ADGRL2: variants seen among roughly 807,000 people sequenced by gnomAD.
ADGRL2 encodes the protein adhesion G protein-coupled receptor L2, also known as calcium-independent alpha-latrotoxin receptor 2.
ADGRL2 carries 44 observed loss-of-function variants against 157.4 expected under a neutral mutation model. That is an observed-to-expected ratio of 0.28 (90% CI 0.22 to 0.36). The LOEUF is 0.36. ADGRL2 is among the 10% of genes least tolerant of loss of function. The pLI is 1.00. For synonymous variants in ADGRL2, 585 were observed against 624.7 expected (o/e 0.94, Z 0.95); for missense variants, 1,510 against 1,768.9 (o/e 0.85, Z 2.63).
chr1:81,642,622 A>G (rs1435131991), intron 3 of ADGRL2, among the ~76,000 whole-genome samples: 1 of 152,154 alleles, frequency 6.6e-6, no homozygotes, highest in African/African-American at 2.4e-5. Context: ...GAAAGATATT[A>G]TAAGAAAAAG....
chr1:81,488,487 C>T (rs2078556812), intron 2 of ADGRL2, among the ~76,000 whole-genome samples: 2 of 151,244 alleles, frequency 1.3e-5, no homozygotes, highest in South Asian at 4.2e-4. Flanking sequence ...ATAGCTTGAG[C>T]TCAGGAGTTT....
At chr1:81,431,755 G>A (rs1432290494) in intron 1 of ADGRL2, among the ~76,000 whole-genome samples, 4 of 152,158 alleles carry the variant, frequency 2.6e-5, no homozygotes, top group Non-Finnish European at 5.9e-5. Context: ...TGGACTGATA[G>A]ATTACTTCTT....
chr1:81,807,317 A>G (rs1470563234), intron 1 of ADGRL2, among the ~76,000 whole-genome samples: 1 of 151,992 alleles, frequency 6.6e-6, no homozygotes, highest in Non-Finnish European at 1.5e-5. Context: ...ATCATAGGCT[A>G]GTTTACTTCT....
In ADGRL2 at chr1:81,325,946, C is replaced by T. The variant is rs111300908; in HGVS notation, c.-302+19437C>T. On this transcript the variant is annotated intron_variant, in intron 1 of 24. Transcript: ENST00000370721. ...CAGAGGATCTCACTAAGCATTCATA[C>T]CACTTGCCAGCCAGAGCAATGATTA... Among the ~76,000 whole-genome samples, 376 of 152,172 alleles carry T rather than the reference C, an allele frequency of 2.5e-3. 2 individuals are homozygous for T. Among genetic ancestry groups the T allele is most frequent in the African/African-American group, 8.6e-3 (356 of 41,514 alleles).
At chr1:81,345,505 A>C (rs1207910838) in intron 1 of ADGRL2, among the ~76,000 whole-genome samples, 1 of 152,256 alleles carries the variant, frequency 6.6e-6, no homozygotes, top group East Asian at 1.9e-4. Flanking sequence ...TAACTGGAAG[A>C]TTAATCATAT....
intron 1 of ADGRL2, among the ~76,000 whole-genome samples, chr1:81,361,920 C>T (rs2075985362): frequency 6.6e-6 from 1 of 151,674 alleles, no homozygotes; most frequent in Admixed American, 6.6e-5. Flanking sequence ...CCCTCTGTTC[C>T]AGTAGCATAC....
intron 3 of ADGRL2, among the ~76,000 whole-genome samples, chr1:81,657,316 C>A (rs1483968640): frequency 6.6e-6 from 1 of 152,118 alleles, no homozygotes; most frequent in Non-Finnish European, 1.5e-5. Flanking sequence ...TTTGTGTGGA[C>A]AAATAGATAG....
At position 81,951,966 on chromosome 1, in the gene ADGRL2, G is replaced by A. The variant is rs755762837; in HGVS notation, c.1618G>A (p.Gly540Arg). ...VNQLAQKIRS[G>R]ENAASLANEL... ...CAAATTGTTTTTTCAGATCAGAAGC[G>A]GAGAAAATGCTGCTAGTCTTGCCAA... Residue 540 changes from glycine to arginine, a missense_variant, in exon 9 of 24, where the codon GGA becomes AGA. Coordinates refer to ENST00000686636, the MANE Select transcript of ADGRL2 (RefSeq NM_001366006.2). The A allele has an allele frequency of 1.2e-5, 19 of 1,602,874 alleles. No homozygotes were observed. The highest frequency in any genetic ancestry group is 4.5e-5 in the South Asian group (4 of 89,190).
intron 1 of ADGRL2, among the ~76,000 whole-genome samples, chr1:81,760,264 A>C (rs564676926): frequency 6.6e-6 from 1 of 152,098 alleles, no homozygotes; most frequent in African/African-American, 2.4e-5. Flanking sequence ...ATGAAAAGGA[A>C]ATATCTGATT....
At position 81,526,627 on chromosome 1, in the gene ADGRL2, T is replaced by C. The variant is rs1387870289; in HGVS notation, c.-247-54249T>C. ...TTTAAAAGTCCCGATTAGGATTCTC[T>C]CCTATTGAGATTTTTCTCTGGGAGG... On this transcript the variant is annotated intron_variant, in intron 2 of 24. Transcript: ENST00000370721. Among the ~76,000 whole-genome samples the C allele has an allele frequency of 2.0e-5, 3 of 152,224 alleles. No individual in the cohort carries two copies. In the East Asian group the frequency reaches 5.8e-4, roughly 29 times the overall value.
chr1:81,916,973 GA>G lies in ADGRL2; in HGVS notation c.287+9753del, dbSNP rs142071618. On this transcript the variant is annotated intron_variant, in intron 3 of 23. Transcript: ENST00000686636. ...ATTTTATTGAATGAAGAGAAAGAGA[GA>G]AAAAAAAAATACATATATATGTCTT... Among the ~76,000 whole-genome samples, 581 of 149,294 alleles carry G rather than the reference GA, an allele frequency of 3.9e-3. 4 individuals are homozygous for G. Among genetic ancestry groups the G allele is most frequent in the Middle Eastern group, 6.9e-3 (2 of 290 alleles).
chr1:81,363,259 T>G (rs752040373), intron 1 of ADGRL2, among the ~76,000 whole-genome samples: 5 of 152,112 alleles, frequency 3.3e-5, no homozygotes, highest in Admixed American at 6.5e-5. Flanking sequence ...AGAGGCTTTC[T>G]GTGATATTTC....
intron 1 of ADGRL2, among the ~76,000 whole-genome samples, chr1:81,824,878 C>T (rs555061456): frequency 9.2e-5 from 14 of 151,562 alleles, no homozygotes; most frequent in African/African-American, 3.2e-4. Flanking sequence ...TTGACAGAAA[C>T]AGTGCTGAAT....
intron 3 of ADGRL2, among the ~76,000 whole-genome samples, chr1:81,687,593 G>A (rs527460747): frequency 1.3e-4 from 20 of 152,242 alleles, no homozygotes; most frequent in South Asian, 6.2e-4. Context: ...TATCCATTCT[G>A]CAATTCTGGA....
Position 81,666,154 on chromosome 1 carries a change from A to G in ADGRL2, c.-143+85174A>G, listed in dbSNP as rs75847729. 2.7e-3 allele frequency among the ~76,000 whole-genome samples: 412 copies of G among 152,310 alleles called. 1 individual carries two copies. The highest frequency in any genetic ancestry group is 9.6e-3 in the African/African-American group (400 of 41,568). The stretch of plus-strand genomic sequence containing the variant: ...TCTCAAGGAAAGGAAATGCTACTGC[A>G]TGTCACAACATCTGTTTAAGTGCAT... On this transcript the variant is annotated intron_variant, in intron 3 of 24. Coordinates refer to the ADGRL2 transcript ENST00000370721.
At chr1:81,486,179 C>T (rs2078495898) in intron 2 of ADGRL2, among the ~76,000 whole-genome samples, 2 of 152,160 alleles carry the variant, frequency 1.3e-5, no homozygotes, top group Non-Finnish European at 2.9e-5. Flanking sequence ...ATATGCCAGA[C>T]AATGCATGTG....
chr1:81,942,653 A>G (rs1419140994), intron 5 of ADGRL2, among the ~76,000 whole-genome samples: 1 of 151,948 alleles, frequency 6.6e-6, no homozygotes. Flanking sequence ...CAAAAGCTCA[A>G]ACTTTTAAAA....
chr1:81,596,276 C>A (rs2081231546), intron 3 of ADGRL2: 1 of 571,140 alleles, frequency 1.8e-6, no homozygotes, highest in South Asian at 1.4e-5. Context: ...CGAAATGATC[C>A]CATGTCTTAG....
chr1:81,562,149 A>T (rs1400663757), intron 2 of ADGRL2, among the ~76,000 whole-genome samples: 1 of 152,212 alleles, frequency 6.6e-6, no homozygotes, highest in Non-Finnish European at 1.5e-5. Flanking sequence ...TTTATAAATA[A>T]TAAATAGAAG....
Sources: allele counts gnomAD v4.1 joint callset (sites outside exome capture counted in the v4.1 genomes callset), GRCh38; gene constraint gnomAD v4.1.1; transcripts MANE v1.5; gene names NCBI Gene and HGNC (gene_info 2026-07-23, HGNC 2026-07-21).